Variants in NFIB observed in about 807,000 individuals in gnomAD.
NFIB encodes nuclear factor I B, also known as nuclear factor 1 B-type.
Under a neutral mutation model 61.5 loss-of-function variants are expected in NFIB, and 11 were observed. The observed-to-expected ratio is 0.18, with a 90% CI of 0.11 to 0.30. The LOEUF (loss-of-function observed/expected upper bound fraction) is 0.30, where lower values mean the gene tolerates loss of function less well. Ranked by LOEUF, NFIB falls within the 10% of genes least tolerant of loss-of-function variation. The pLI is 1.00. For synonymous variants in NFIB, 260 were observed against 216.5 expected (o/e 1.20, Z -1.76); for missense variants, 471 against 608.9 (o/e 0.77, Z 2.38).
chr9:14,377,639 A>G (rs1198050504), intron 1 of NFIB, among the ~76,000 whole-genome samples: 3 of 152,150 alleles, frequency 2.0e-5, no homozygotes, highest in Non-Finnish European at 4.4e-5. Context: ...TTTTGTTTCA[A>G]TATTTTATTG....
At chr9:14,312,393 G>C (rs193192012) in intron 1 of NFIB, among the ~76,000 whole-genome samples, 1 of 152,322 alleles carries the variant, frequency 6.6e-6, no homozygotes, top group East Asian at 1.9e-4. Context: ...TCATGGCAAT[G>C]TCAAAGAAAA....
chr9:14,449,475 A>G, the NFIB span, among the ~76,000 whole-genome samples: 1 of 152,228 alleles, frequency 6.6e-6, no homozygotes, highest in Non-Finnish European at 1.5e-5. Flanking sequence ...ATAGCATTCT[A>G]AAGACAGTCG....
chr9:14,290,067 G>A (rs2058987980), intron 2 of NFIB, among the ~76,000 whole-genome samples: 1 of 151,974 alleles, frequency 6.6e-6, no homozygotes, highest in African/African-American at 2.4e-5. Flanking sequence ...CATGAAAAAT[G>A]GATAGTAGTA....
intron 2 of NFIB, among the ~76,000 whole-genome samples, chr9:14,227,138 T>C (rs1215743992): frequency 1.5e-5 from 2 of 133,324 alleles, no homozygotes; most frequent in Non-Finnish European, 3.1e-5. Flanking sequence ...CAAAACTCCG[T>C]GTCAAAAAAA....
chr9:14,089,452 A>C (rs1200733200), intron 10 of NFIB, among the ~76,000 whole-genome samples: 1 of 151,600 alleles, frequency 6.6e-6, no homozygotes, highest in Non-Finnish European at 1.5e-5. Flanking sequence ...AGGATAAAAA[A>C]AATCAGATCT....
the NFIB span, among the ~76,000 whole-genome samples, chr9:14,406,999 A>G: frequency 2.0e-5 from 3 of 152,216 alleles, no homozygotes; most frequent in Admixed American, 2.0e-4. Context: ...TATTAAAATT[A>G]ATAGTAGGGC....
the NFIB span, among the ~76,000 whole-genome samples, chr9:14,461,632 A>G: frequency 6.6e-6 from 1 of 152,216 alleles, no homozygotes; most frequent in East Asian, 1.9e-4. Context: ...TCTGCATTCC[A>G]GCGTCGGCAC....
the NFIB span, among the ~76,000 whole-genome samples, chr9:14,475,614 CA>C: frequency 6.6e-6 from 1 of 152,212 alleles, no homozygotes; most frequent in Non-Finnish European, 1.5e-5. Flanking sequence ...CATTAGCTCC[CA>C]CTTTTTCCTG....
chr9:14,489,926 T>A, the NFIB span, among the ~76,000 whole-genome samples: 1 of 152,138 alleles, frequency 6.6e-6, no homozygotes, highest in African/African-American at 2.4e-5. Flanking sequence ...TTGATGGATA[T>A]TCATGTGGTT....
intron 2 of NFIB, among the ~76,000 whole-genome samples, chr9:14,216,517 TCTCTCTCTCTCTCTCTCTCTCTCTCC>T (rs1276398261): frequency 0.018 from 612 of 33,694 alleles, 3 homozygotes; most frequent in Middle Eastern, 0.13. Context: ...TCTCTCTCTC[TCTCTCTCTCTCTCTCTCTCTCTCTCC>T]CTCTGTGTGT....
At chr9:14,243,316 T>C (rs1344981333) in intron 2 of NFIB, among the ~76,000 whole-genome samples, 1 of 152,174 alleles carries the variant, frequency 6.6e-6, no homozygotes. Context: ...TTATATTACC[T>C]TCTCAAAAAA....
At chr9:14,368,774 G>T (rs2061328746) in intron 1 of NFIB, among the ~76,000 whole-genome samples, 1 of 152,168 alleles carries the variant, frequency 6.6e-6, no homozygotes, top group South Asian at 2.1e-4. Flanking sequence ...GAGAGAAGGT[G>T]CTTATGTCTG....
chr9:14,523,261 A>G, the NFIB span, among the ~76,000 whole-genome samples: 1 of 152,154 alleles, frequency 6.6e-6, no homozygotes, highest in Admixed American at 6.6e-5. Context: ...TCATGCAGAC[A>G]CCAACTTACA....
At chr9:14,278,530 T>A (rs1352211398) in intron 2 of NFIB, among the ~76,000 whole-genome samples, 2 of 152,134 alleles carry the variant, frequency 1.3e-5, no homozygotes, top group Non-Finnish European at 1.5e-5. Flanking sequence ...TCAGGCTGCC[T>A]CAATGGCTGA....
At chr9:14,517,722 G>A in the NFIB span, among the ~76,000 whole-genome samples, 1 of 152,048 alleles carries the variant, frequency 6.6e-6, no homozygotes, top group Non-Finnish European at 1.5e-5. Context: ...AAAATAGCAG[G>A]GCTCTTGGTG....
rs142040425 is a variant in NFIB at position 14,323,861 on chromosome 9, GT to G, written c.109-16342del. On this transcript the variant is annotated intron_variant, in intron 1 of 8. Transcript: ENST00000380934. Reference sequence around the variant, plus strand: ...CCCCTTGTATACACATCATACATACGTTTGGCTGTGTGTGAATAATATACAT... The same window carrying G: ...CCCCTTGTATACACATCATACATACGTTGGCTGTGTGTGAATAATATACAT... 6.2e-4 allele frequency among the ~76,000 whole-genome samples: 95 copies of G among 152,146 alleles called. No homozygotes were observed. In the East Asian group the frequency reaches 0.012, roughly 20 times the overall value.
chr9:14,416,084 C>A, the NFIB span, among the ~76,000 whole-genome samples: 1 of 152,112 alleles, frequency 6.6e-6, no homozygotes, highest in Non-Finnish European at 1.5e-5. Flanking sequence ...GAAAAAAAGT[C>A]TAAACAGCAA....
At chr9:14,234,448 C>T (rs192261084) in intron 2 of NFIB, among the ~76,000 whole-genome samples, 4 of 151,736 alleles carry the variant, frequency 2.6e-5, no homozygotes, top group Admixed American at 2.6e-4. Context: ...CGGCTCACTG[C>T]AACCTCCACC....
intron 3 of NFIB, among the ~76,000 whole-genome samples, chr9:14,158,330 C>A (rs2043710156): frequency 6.6e-6 from 1 of 152,148 alleles, no homozygotes; most frequent in African/African-American, 2.4e-5. Context: ...GCCCAACCAC[C>A]ACCCACTCTG....
Sources: allele counts gnomAD v4.1 joint callset (sites outside exome capture counted in the v4.1 genomes callset), GRCh38; gene constraint gnomAD v4.1.1; transcripts MANE v1.5; gene names NCBI Gene and HGNC (gene_info 2026-07-23, HGNC 2026-07-21).